The following ACACA variants were observed in gnomAD, a reference collection of about 807,000 sequenced individuals.
The protein encoded by ACACA is acetyl-CoA carboxylase alpha.
ACACA carries 103 observed loss-of-function variants against 296.1 expected under a neutral mutation model. The ratio of observed to expected loss-of-function variants is 0.35; its 90% confidence interval spans 0.30 to 0.41. The LOEUF (loss-of-function observed/expected upper bound fraction) is 0.41, where lower values mean the gene tolerates loss of function less well. Among genes scored for constraint, ACACA ranks in the 10% least tolerant of loss-of-function variants. The pLI, the probability that ACACA is intolerant of heterozygous loss-of-function variation, is 1.00. For synonymous variants in ACACA, 953 were observed against 1,038.6 expected (o/e 0.92, Z 1.58); for missense variants, 1,554 against 2,989.7 (o/e 0.52, Z 11.20).
intron 1 of ACACA, among the ~76,000 whole-genome samples, chr17:37,398,138 G>C (rs1290873013): frequency 6.7e-6 from 1 of 150,000 alleles, no homozygotes; most frequent in African/African-American, 2.5e-5. Context: ...CCTGAGGCAG[G>C]AGAATCACTT....
rs750685257 is a variant in ACACA, at chr17:37,221,974, T to C, written c.3565-132A>G. 80 of 741,974 alleles carry C rather than the reference T, an allele frequency of 1.1e-4. 1 individual carries two copies. The highest frequency in any genetic ancestry group is 1.6e-4 in the Non-Finnish European group (66 of 415,472). The allele number at this position is 741,974 out of a possible 1,614,324, so 46.0% of individuals were successfully genotyped here. A position where few individuals can be genotyped will look rare whatever the true frequency, so the allele number is the denominator to read the frequency against. On this transcript the variant is annotated intron_variant, in intron 28 of 55. Coordinates refer to ENST00000616317, the MANE Select transcript of ACACA (RefSeq NM_198834.3). The stretch of plus-strand genomic sequence containing the variant: ...TGGGGAGAGAAGTCCCAAGGCCCTA[T>C]GTATACGTACATATATTGCTTTAAT...
At chr17:37,359,114 C>T in intron 1 of ACACA, 2 of 985,550 alleles carry the variant, frequency 2.0e-6, no homozygotes, top group Non-Finnish European at 2.4e-6. Flanking sequence ...CAGCACCAGG[C>T]CGGCCCGGCA....
At chr17:37,163,734 C>T (rs1040941832) in intron 41 of ACACA, among the ~76,000 whole-genome samples, 3 of 152,156 alleles carry the variant, frequency 2.0e-5, no homozygotes, top group Non-Finnish European at 2.9e-5. Flanking sequence ...CCAGAAAAAC[C>T]AAAGGATGGA....
intron 45 of ACACA, among the ~76,000 whole-genome samples, chr17:37,138,522 A>G (rs2075424333): frequency 6.6e-6 from 1 of 152,204 alleles, no homozygotes; most frequent in African/African-American, 2.4e-5. Context: ...ACTTGGAGCT[A>G]TGCTCCACTA....
intron 1 of ACACA, among the ~76,000 whole-genome samples, chr17:37,359,432 G>A (rs931833912): frequency 1.3e-5 from 2 of 151,780 alleles, no homozygotes; most frequent in Admixed American, 1.3e-4. Context: ...GGCGGGCCGC[G>A]GGCGGGCCCT....
chr17:37,107,381 C>A (rs767608344), intron 52 of ACACA, among the ~76,000 whole-genome samples: 1 of 152,196 alleles, frequency 6.6e-6, no homozygotes, highest in Non-Finnish European at 1.5e-5. Flanking sequence ...GTCCCCTTAG[C>A]CCAGGGAACA....
rs892548922 is a variant in ACACA at position 37,243,622 on chromosome 17, T to G, written c.2743-63A>C. 3.9e-6 allele frequency: 6 copies of G among 1,546,836 alleles called. No individual in the cohort carries two copies. The African/African-American group carries it at 8.2e-5, about 21-fold the overall frequency. On this transcript the variant is annotated intron_variant, in intron 21 of 55. Coordinates refer to ENST00000616317, the MANE Select transcript of ACACA (RefSeq NM_198834.3). Reference sequence around the variant, plus strand: ...ACACAATCCCCCAAATAAAAAGATATATAGTTGTCATTCTGTATACGTGGG... The same window carrying G: ...ACACAATCCCCCAAATAAAAAGATAGATAGTTGTCATTCTGTATACGTGGG...
intron 1 of ACACA, among the ~76,000 whole-genome samples, chr17:37,384,036 C>T (rs909167093): frequency 5.3e-5 from 8 of 152,084 alleles, no homozygotes; most frequent in Non-Finnish European, 8.8e-5. Flanking sequence ...GAGCCCGAGG[C>T]GGGCAGAACA....
At chr17:37,262,399 C>T (rs79115659) in intron 11 of ACACA, among the ~76,000 whole-genome samples, 3,404 of 152,224 alleles carry the variant, frequency 0.022, 123 homozygotes, top group African/African-American at 0.078. Flanking sequence ...ACAATGTGAA[C>T]ATAATCTTGT....
intron 1 of ACACA, among the ~76,000 whole-genome samples, chr17:37,399,836 G>T (rs532633877): frequency 6.6e-6 from 1 of 152,028 alleles, no homozygotes; most frequent in Non-Finnish European, 1.5e-5. Context: ...GACAGATCTG[G>T]TTTTTTGCTT....
intron 50 of ACACA, among the ~76,000 whole-genome samples, chr17:37,117,897 A>T (rs544346710): frequency 6.6e-6 from 1 of 152,052 alleles, no homozygotes; most frequent in African/African-American, 2.4e-5. Context: ...CCCACAGTGC[A>T]GTCGGCTCCT....
chr17:37,129,496 A>T lies in ACACA; in HGVS notation c.5824-11T>A, dbSNP rs562274184. 5 of 1,613,800 alleles carry T rather than the reference A, an allele frequency of 3.1e-6. No homozygotes were observed. In the African/African-American group the frequency reaches 6.7e-5, roughly 22 times the overall value. On this transcript the variant is annotated splice_polypyrimidine_tract_variant and intron_variant, in intron 46 of 55. Transcript: ENST00000616317. Reference sequence around the variant, plus strand: ...TGAACTGTGCACGCTCTAAAAGGAGATTGGAAGAGAGCACAGCAATCAGTG... The same window carrying T: ...TGAACTGTGCACGCTCTAAAAGGAGTTTGGAAGAGAGCACAGCAATCAGTG...
intron 48 of ACACA, 90 bp downstream of exon 48, chr17:37,125,608 A>G (rs2074742653): frequency 4.4e-6 from 5 of 1,138,568 alleles, no homozygotes; most frequent in East Asian, 2.5e-5. Flanking sequence ...CAAAGAGAAC[A>G]TTATTGGTAT....
chr17:37,102,750 C>T (rs1025191316), intron 52 of ACACA, among the ~76,000 whole-genome samples: 3 of 152,226 alleles, frequency 2.0e-5, no homozygotes, highest in African/African-American at 4.8e-5. Context: ...GCTTTGGCTT[C>T]GCCAAGTTGG....
Position 37,275,953 on chromosome 17 carries a change from C to G in ACACA, c.899G>C (p.Ser300Thr). ...ACAAACAAGAATTCAGTTCTTACCA[C>G]TGCCGCTCCAGGGAAGAGTTGGGAT... is the stretch of plus-strand genomic sequence containing the variant. ...AGIPTLPWSG[S>T]GLRVDWQEND... The change falls in exon 8 of 56, where the codon AGT (serine) becomes ACT (threonine). Residue 300 changes from serine to threonine, a missense_variant and splice_region_variant. By Grantham distance (58) the Ser-to-Thr change is moderately conservative (BLOSUM62 1). Transcript: ENST00000616317. 6.2e-7 allele frequency: 1 copy of G among 1,613,560 alleles called. No homozygotes were observed.
At chr17:37,390,304 T>TTATCTA (rs2050788326) in intron 1 of ACACA, among the ~76,000 whole-genome samples, 1 of 17,988 alleles carries the variant, frequency 5.6e-5, no homozygotes, top group Non-Finnish European at 8.1e-5. Context: ...TTATACATAA[T>TTATCTA]TATATATATA....
intron 52 of ACACA, among the ~76,000 whole-genome samples, chr17:37,099,544 C>G (rs374524315): frequency 0.13 from 10,679 of 81,128 alleles, 296 homozygotes; most frequent in African/African-American, 0.3. Context: ...GGGCTGATGG[C>G]GGGAGGGCTG....
intron 1 of ACACA, chr17:37,391,618 T>A (rs748196404): frequency 8.1e-6 from 13 of 1,602,478 alleles, no homozygotes; most frequent in Non-Finnish European, 9.4e-6. Flanking sequence ...CATCCTTTTT[T>A]AACTTTCATA....
chr17:37,265,192 A>G (rs1009959802), intron 10 of ACACA, among the ~76,000 whole-genome samples: 3 of 152,182 alleles, frequency 2.0e-5, no homozygotes, highest in Admixed American at 6.5e-5. Context: ...GCCAGCTAAG[A>G]TTCAAGGGGT....
Sources: gnomAD v4.1 joint callset for allele counts (sites outside exome capture counted in the v4.1 genomes callset) on GRCh38, gnomAD v4.1.1 for gene constraint, MANE v1.5 for transcripts, NCBI Gene and HGNC (gene_info 2026-07-23, HGNC 2026-07-21) for gene names.